The following BAZ1B variants were observed in gnomAD, a reference collection of about 807,000 sequenced individuals.
The protein encoded by BAZ1B is bromodomain adjacent to zinc finger domain 1B.
A neutral mutation model predicts 153.8 loss-of-function variants in BAZ1B; 22 were observed. The observed-to-expected ratio is 0.14, with a 90% confidence interval of 0.10 to 0.20. The LOEUF (loss-of-function observed/expected upper bound fraction) is 0.20, where lower values mean the gene tolerates loss of function less well. Among genes scored for constraint, BAZ1B ranks in the 10% least tolerant of loss-of-function variants. The pLI is 1.00. For missense variants in BAZ1B, 1,325 were observed against 1,799.3 expected, an observed-to-expected ratio of 0.74 and a Z score of 4.77; for synonymous variants, 676 against 633.4, an observed-to-expected ratio of 1.07 and a Z score of -1.01.
chr7:73,492,953 G>C (rs374264183), intron 4 of BAZ1B, 32 bp from the exon 5 acceptor site: 3 of 1,564,196 alleles, frequency 1.9e-6, no homozygotes, highest in Non-Finnish European at 1.7e-6. Context: ...AGTGAAAAAC[G>C]TAATTATTTT....
chr7:73,487,576 A>T (rs1276574610), intron 6 of BAZ1B, among the ~76,000 whole-genome samples: 1 of 152,200 alleles, frequency 6.6e-6, no homozygotes, highest in Non-Finnish European at 1.5e-5. Context: ...AGAAAAGAGG[A>T]AAATATTAAG....
chr7:73,459,314 C>G (rs1411613720), intron 13 of BAZ1B, among the ~76,000 whole-genome samples: 10 of 150,708 alleles, frequency 6.6e-5, no homozygotes, highest in African/African-American at 2.4e-4. Flanking sequence ...CCACTGTGAC[C>G]ATCACCCAAT....
Position 73,508,259 on chromosome 7 carries a change from G to C in BAZ1B, c.369+68C>G, listed in dbSNP as rs544112928. 16 of 1,526,742 alleles carry C rather than the reference G, an allele frequency of 1.0e-5. No individual in the cohort carries two copies. In the East Asian group the frequency reaches 1.4e-4, roughly 13 times the overall value. The allele number at this position is 1,526,742 out of a possible 1,614,324, so 94.6% of individuals were successfully genotyped here. On this transcript the variant is annotated intron_variant, in intron 3 of 19. Coordinates refer to ENST00000339594, the MANE Select transcript of BAZ1B (RefSeq NM_032408.4). ...CACAGTTTTACACACATAGAAATGT[G>C]TTCTGTAACCTACGATGACAGCTCT...
At chr7:73,453,050 A>G (rs1266184388) in intron 13 of BAZ1B, among the ~76,000 whole-genome samples, 1 of 152,240 alleles carries the variant, frequency 6.6e-6, no homozygotes, top group African/African-American at 2.4e-5. Flanking sequence ...ATTTTTATAA[A>G]TAAGGAAGCT....
intron 1 of BAZ1B, among the ~76,000 whole-genome samples, chr7:73,512,298 GA>G (rs1277275171): frequency 6.7e-6 from 1 of 149,562 alleles, no homozygotes; most frequent in Non-Finnish European, 1.5e-5. Flanking sequence ...TTTTTTGTGT[GA>G]TTTTTTTTTT....
Position 73,442,759 on chromosome 7 carries a change from TG to T in BAZ1B, c.4059del (p.His1353GlnfsTer4). The T allele has an allele frequency of 6.2e-7, 1 of 1,614,170 alleles. No individual in the cohort carries two copies. Among genetic ancestry groups the T allele is most frequent in the Non-Finnish European group, 8.5e-7 (1 of 1,180,026 alleles). On this transcript the variant is annotated frameshift_variant, in exon 18 of 20. Coordinates refer to ENST00000339594, the MANE Select transcript of BAZ1B (RefSeq NM_032408.4). LOFTEE classifies it high-confidence loss of function. ...LELQKCEEIL[H>X]KIVKYRFSWP... ...CAGCTGAAGCGGTACTTCACGATCTTGTGGAGGATCTCTTCACACTTCTGCA... is the reference window on the plus strand; with the variant it reads ...CAGCTGAAGCGGTACTTCACGATCTTTGGAGGATCTCTTCACACTTCTGCA...
At chr7:73,456,892 A>C (rs1276925466) in intron 13 of BAZ1B, among the ~76,000 whole-genome samples, 6 of 134,728 alleles carry the variant, frequency 4.5e-5, no homozygotes, top group Admixed American at 1.7e-4. Context: ...CAGTGAGCCA[A>C]GATCACACCA....
At chr7:73,442,883 G>A in intron 17 of BAZ1B, 55 bp from the exon 18 acceptor site, 3 of 1,336,066 alleles carry the variant, frequency 2.2e-6, no homozygotes, top group Non-Finnish European at 3.2e-6. Flanking sequence ...AGGAAGAATG[G>A]ACAGGGCAGA....
intron 7 of BAZ1B, among the ~76,000 whole-genome samples, chr7:73,472,927 C>T (rs555190392): frequency 1.3e-5 from 2 of 151,476 alleles, no homozygotes; most frequent in East Asian, 1.9e-4. Context: ...ACAGGCACCA[C>T]CACACCCAGC....
chr7:73,460,290 T>C (rs1788352284), intron 12 of BAZ1B, among the ~76,000 whole-genome samples: 1 of 152,058 alleles, frequency 6.6e-6, no homozygotes, highest in Non-Finnish European at 1.5e-5. Context: ...ATAAAGGAGT[T>C]ACATAGTTGA....
intron 17 of BAZ1B, 92 bp from the exon 18 acceptor site, chr7:73,442,920 AAG>A (rs1444536379): frequency 6.3e-6 from 6 of 953,990 alleles, no homozygotes; most frequent in Non-Finnish European, 9.6e-6. Context: ...TCAAAAAAGG[AAG>A]AGAGTTCAAC....
At chr7:73,469,108 C>T (rs1554571615) in intron 9 of BAZ1B, among the ~76,000 whole-genome samples, 1 of 132,392 alleles carries the variant, frequency 7.6e-6, no homozygotes, top group African/African-American at 2.9e-5. Context: ...CCAGCCTGGG[C>T]AACAAGAGTG....
At chr7:73,485,584 C>T (rs1554574367) in intron 6 of BAZ1B, among the ~76,000 whole-genome samples, 1 of 149,076 alleles carries the variant, frequency 6.7e-6, no homozygotes, top group African/African-American at 2.5e-5. Context: ...ATGATCATTC[C>T]ACTGCTCTCT....
At chr7:73,441,718 CAG>C (rs1787625024) in intron 19 of BAZ1B, 25 bp from the exon 20 acceptor site, 1 of 159,768 alleles carries the variant, frequency 6.3e-6, no homozygotes, top group African/African-American at 2.4e-5. Flanking sequence ...GGGGAAGAGA[CAG>C]AGTATGGGCT....
chr7:73,494,784 A>C (rs1391254635), intron 4 of BAZ1B, among the ~76,000 whole-genome samples: 1 of 152,222 alleles, frequency 6.6e-6, no homozygotes, highest in African/African-American at 2.4e-5. Context: ...TGTAACTGTA[A>C]TACAGAAGGA....
intron 12 of BAZ1B, among the ~76,000 whole-genome samples, chr7:73,461,878 C>A (rs1250618621): frequency 6.6e-6 from 1 of 152,130 alleles, no homozygotes; most frequent in East Asian, 1.9e-4. Flanking sequence ...TCTCATGAAG[C>A]CTGGAGTTTG....
chr7:73,493,768 G>A (rs1789752230), intron 4 of BAZ1B, among the ~76,000 whole-genome samples: 2 of 151,420 alleles, frequency 1.3e-5, no homozygotes, highest in Admixed American at 6.6e-5. Flanking sequence ...GAGCCTGGGA[G>A]GTCAGGGCTG....
intron 7 of BAZ1B, among the ~76,000 whole-genome samples, chr7:73,475,941 AAT>A (rs1345807497): frequency 6.7e-6 from 1 of 150,250 alleles, no homozygotes; most frequent in African/African-American, 2.4e-5. Context: ...AAAAAAAAAA[AAT>A]GTTTTAGAAC....
At position 73,522,107 on chromosome 7, in the gene BAZ1B, A is replaced by C; in HGVS notation, c.-174T>G. On this transcript the variant is annotated 5_prime_UTR_variant, in exon 1 of 20. It removes an upstream start codon present in the reference 5' UTR. Coordinates refer to ENST00000339594, the MANE Select transcript of BAZ1B (RefSeq NM_032408.4). The stretch of plus-strand genomic sequence containing the variant: ...CCGCCGGCGCGGCCGCGCGACAGTC[A>C]TGGAGCGGAACGCCACGGCGCAGAG... 1 of 424,364 alleles carries C rather than the reference A, an allele frequency of 2.4e-6. No homozygotes were observed. The highest frequency in any genetic ancestry group is 4.0e-6 in the Non-Finnish European group (1 of 250,396). 26.3% of individuals were successfully genotyped at this position (424,364 alleles called of 1,614,324 possible). A position where few individuals can be genotyped will look rare whatever the true frequency, so the allele number is the denominator to read the frequency against.
Sources: allele counts gnomAD v4.1 joint callset (sites outside exome capture counted in the v4.1 genomes callset), GRCh38; gene constraint gnomAD v4.1.1; transcripts MANE v1.5; gene names NCBI Gene and HGNC (gene_info 2026-07-23, HGNC 2026-07-21).